Variants in RGPD8 observed in about 807,000 individuals in gnomAD.
RGPD8 encodes the protein RANBP2 like and GRIP domain containing 8, also known as RANBP2-like and GRIP domain-containing protein 8.
Under a neutral mutation model 89.1 loss-of-function variants are expected in RGPD8, and 15 were observed. The ratio of observed to expected loss-of-function variants is 0.17; its 90% CI spans 0.11 to 0.26. The LOEUF is 0.26. RGPD8 is among the 10% of genes least tolerant of loss of function. The pLI is 1.00. For synonymous variants in RGPD8, 62 were observed against 420.9 expected, an observed-to-expected ratio of 0.15 and a Z score of 10.44; for missense variants, 178 against 1,179.6, an observed-to-expected ratio of 0.15 and a Z score of 12.44.
At chr2:112,409,618 T>C (rs372365831) in intron 7 of RGPD8, among the ~76,000 whole-genome samples, 12,666 of 147,100 alleles carry the variant, frequency 0.086, 403 homozygotes, top group Non-Finnish European at 0.11. Flanking sequence ...CTGGGAAACA[T>C]AGCAAGACCT....
chr2:112,370,359 G>GGGGGGTGT (rs1249646916), intron 22 of RGPD8, 147 bp from the exon 23 acceptor site: 3 of 100,746 alleles, frequency 3.0e-5, no homozygotes, highest in East Asian at 2.3e-4. Flanking sequence ...GGGGGGGGGG[G>GGGGGGTGT]TTCTTTTTTT....
At chr2:112,424,098 C>T in intron 2 of RGPD8, 142 bp downstream of exon 2, 6 of 1,128,094 alleles carry the variant, frequency 5.3e-6, no homozygotes, top group Non-Finnish European at 7.3e-6. Flanking sequence ...TGGTCCTTAG[C>T]ATCAGTCTGA....
intron 6 of RGPD8, among the ~76,000 whole-genome samples, chr2:112,413,376 G>A (rs2104811670): frequency 8.4e-6 from 1 of 119,132 alleles, no homozygotes; most frequent in South Asian, 3.0e-4. Flanking sequence ...GCCCGCCTCA[G>A]TTTACCAATG....
Position 112,388,840 on chromosome 2 carries a change from C to T in RGPD8, c.4105G>A (p.Asp1369Asn). The change falls in exon 20 of 23, where the codon GAT becomes AAT. Residue 1369 changes from aspartate to asparagine, a missense_variant. By Grantham distance (23) the Asp-to-Asn change is conservative. Coordinates refer to ENST00000302558, the MANE Select transcript of RGPD8 (RefSeq NM_001164463.1). ...HRAEIYRYDK[D>N]VGQWKERGIG... is the part of the protein sequence containing the mutation. ...CCCCTTTCTTTCCATTGACCAACATCTTTATCATATCTGTAGATTTCTGCC... is the reference window on the plus strand; with the variant it reads ...CCCCTTTCTTTCCATTGACCAACATTTTTATCATATCTGTAGATTTCTGCC... 2 of 502,672 alleles carry T rather than the reference C, an allele frequency of 4.0e-6. No homozygotes were observed. Among genetic ancestry groups the T allele is most frequent in the Non-Finnish European group, 6.4e-6 (2 of 314,078 alleles). 31.1% of individuals were successfully genotyped at this position (502,672 alleles called of 1,614,324 possible). A position where few individuals can be genotyped will look rare whatever the true frequency, so the allele number is the denominator to read the frequency against.
At chr2:112,428,921 A>G (rs1679893612) in intron 1 of RGPD8, among the ~76,000 whole-genome samples, 2 of 152,136 alleles carry the variant, frequency 1.3e-5, no homozygotes, top group Admixed American at 1.3e-4. Context: ...CAATGTGCAC[A>G]TGTACCCTAA....
At position 112,422,550 on chromosome 2, in the gene RGPD8, T is replaced by C. The variant is rs1679600506; in HGVS notation, c.250A>G (p.Arg84Gly). Residue 84 changes from arginine (R) to glycine (G), a missense_variant and splice_region_variant, in exon 3 of 23, where the codon AGG becomes GGG. Coordinates refer to ENST00000302558, the MANE Select transcript of RGPD8 (RefSeq NM_001164463.1). ...ENTEKAVECY[R>G]RSVELNPTQK... ...TATATTTGAATCCTATAACTTACCC[T>C]GTAACATTCAACGGCTTTCTCTGTG... The C allele has an allele frequency of 1.9e-6, 3 of 1,610,448 alleles. No homozygotes were observed. The East Asian group carries it at 6.7e-5, about 36-fold the overall frequency.
At chr2:112,377,395 C>T (rs1356534858) in intron 22 of RGPD8, among the ~76,000 whole-genome samples, 2 of 110,506 alleles carry the variant, frequency 1.8e-5, no homozygotes, top group Non-Finnish European at 4.0e-5. Flanking sequence ...TCTGCTGCCT[C>T]AGCCCCCTGA....
In RGPD8 at chr2:112,417,263, C is replaced by T. The variant is rs1188713395; in HGVS notation, c.712G>A (p.Ala238Thr). ...WRATNTDLLL[A>T]YANLMLLTLS... ...GTAAGAAGCATAAGATTAGCATAGG[C>T]CAGCAGTAAGTCTGTATTGGTTGCT... Residue 238 changes from alanine (A) to threonine (T), a missense_variant, in exon 6 of 23, where the codon GCC becomes ACC. Coordinates refer to ENST00000302558, the MANE Select transcript of RGPD8 (RefSeq NM_001164463.1). 7 of 1,610,348 alleles carry T rather than the reference C, an allele frequency of 4.3e-6. No homozygotes were observed. The highest frequency in any genetic ancestry group is 5.9e-6 in the Non-Finnish European group (7 of 1,179,846).
At chr2:112,429,343 G>C (rs1194546705) in intron 1 of RGPD8, among the ~76,000 whole-genome samples, 2 of 142,280 alleles carry the variant, frequency 1.4e-5, no homozygotes, top group Non-Finnish European at 3.0e-5. Context: ...GTGAACCCCG[G>C]AGGCAGAGTT....
At chr2:112,370,324 T>C (rs1677916080) in intron 22 of RGPD8, 112 bp from the exon 23 acceptor site, 1 of 397,246 alleles carries the variant, frequency 2.5e-6, no homozygotes, top group African/African-American at 2.3e-5. Flanking sequence ...AATGTCTTTT[T>C]TACTGATCAC....
intron 22 of RGPD8, among the ~76,000 whole-genome samples, chr2:112,374,713 T>C (rs1213301816): frequency 7.5e-6 from 1 of 133,400 alleles, no homozygotes; most frequent in Non-Finnish European, 1.6e-5. Context: ...ATTCTCTTCA[T>C]ATATTATCTG....
At chr2:112,424,413 T>C in intron 1 of RGPD8, 106 bp from the exon 2 acceptor site, 4 of 1,093,358 alleles carry the variant, frequency 3.7e-6, no homozygotes, top group Non-Finnish European at 5.2e-6. Flanking sequence ...TGTTTTATAA[T>C]TTCCTACCAC....
chr2:112,410,508 T>C (rs1294612615), intron 7 of RGPD8, among the ~76,000 whole-genome samples: 1 of 151,884 alleles, frequency 6.6e-6, no homozygotes, highest in Non-Finnish European at 1.5e-5. Context: ...CCGGGCTCAA[T>C]GGCTCATGCC....
intron 6 of RGPD8, among the ~76,000 whole-genome samples, chr2:112,415,897 G>A (rs1231073237): frequency 8.0e-5 from 12 of 150,498 alleles, no homozygotes; most frequent in Non-Finnish European, 1.8e-4. Context: ...AAAAAAGAGA[G>A]ATTGAGACCA....
intron 21 of RGPD8, among the ~76,000 whole-genome samples, 176 bp downstream of exon 21, chr2:112,380,648 C>A (rs2104767150): frequency 3.2e-5 from 1 of 31,266 alleles, no homozygotes; most frequent in East Asian, 1.5e-3. Context: ...GCAAGACTGT[C>A]TCAAAAAAAA....
At position 112,387,865 on chromosome 2, in the gene RGPD8, G is replaced by A. The variant is rs975233278; in HGVS notation, c.4921+159C>T. Among the ~76,000 whole-genome samples, 18 of 144,792 alleles carry A rather than the reference G, an allele frequency of 1.2e-4. 1 individual carries two copies. The South Asian group carries it at 2.0e-3, about 16-fold the overall frequency. The allele number at this position is 144,792 out of a possible 152,430, so 95.0% of individuals were successfully genotyped here. On this transcript the variant is annotated intron_variant, in intron 20 of 22. Coordinates refer to ENST00000302558, the MANE Select transcript of RGPD8 (RefSeq NM_001164463.1). The stretch of plus-strand genomic sequence containing the variant: ...TTCTCTTGCTCTTTGAAACCTCACC[G>A]AGAACTTATTAAGGGAGAAAAAAAA...
intron 6 of RGPD8, among the ~76,000 whole-genome samples, chr2:112,414,264 T>A (rs1402975660): frequency 1.6e-5 from 2 of 122,872 alleles, no homozygotes; most frequent in Non-Finnish European, 3.4e-5. Flanking sequence ...TCACCTGAGG[T>A]CAGGAGTTCA....
In RGPD8 at chr2:112,377,424, G is replaced by A. The variant is rs1328776427; in HGVS notation, c.5263+629C>T. On this transcript the variant is annotated intron_variant, in intron 22 of 22. Transcript: ENST00000302558. Reference sequence around the variant, plus strand: ...CCCCTGAGTAGCTGGGACTACAGGCGCATGCCACCACGTCCAGCTAATTTT... The same window carrying A: ...CCCCTGAGTAGCTGGGACTACAGGCACATGCCACCACGTCCAGCTAATTTT... Among the ~76,000 whole-genome samples, 5 of 109,858 alleles carry A rather than the reference G, an allele frequency of 4.6e-5. 1 individual carries two copies. The highest frequency in any genetic ancestry group is 7.8e-4 in the South Asian group (2 of 2,560). The allele number at this position is 109,858 out of a possible 152,430, so 72.1% of individuals were successfully genotyped here.
At chr2:112,429,292 G>A (rs1270033441) in intron 1 of RGPD8, among the ~76,000 whole-genome samples, 1 of 149,894 alleles carries the variant, frequency 6.7e-6, no homozygotes, top group Non-Finnish European at 1.5e-5. Context: ...GTTGTGGCGG[G>A]TGCCTGTAGT....
Sources: allele counts gnomAD v4.1 joint callset (sites outside exome capture counted in the v4.1 genomes callset), GRCh38; gene constraint gnomAD v4.1.1; transcripts MANE v1.5; gene names NCBI Gene and HGNC (gene_info 2026-07-23, HGNC 2026-07-21).